The following GMDS variants were observed in gnomAD, a reference collection of about 807,000 sequenced individuals.
GMDS encodes GDP-mannose 4,6-dehydratase, also known as GDP-mannose 4,6 dehydratase.
Under a neutral mutation model 49.9 loss-of-function variants are expected in GMDS, and 20 were observed. That is an observed-to-expected ratio of 0.40 (90% confidence interval 0.28 to 0.58). GMDS has a LOEUF of 0.58. Among genes scored for constraint, GMDS ranks in the 20% least tolerant of loss-of-function variants. The pLI, the probability that GMDS is intolerant of heterozygous loss-of-function variation, is 0.42. For missense variants in GMDS, 362 were observed against 481.4 expected (o/e 0.75, Z 2.32); for synonymous variants, 177 against 178.6 (o/e 0.99, Z 0.07).
chr6:2,009,211 T>C (rs1767392461), intron 4 of GMDS, among the ~76,000 whole-genome samples: 1 of 152,192 alleles, frequency 6.6e-6, no homozygotes. Flanking sequence ...CTGATGCCTC[T>C]ACATTCTGTA....
intron 7 of GMDS, among the ~76,000 whole-genome samples, chr6:1,807,019 T>TA (rs1770205074): frequency 6.6e-6 from 1 of 152,218 alleles, no homozygotes; most frequent in Admixed American, 6.5e-5. Context: ...AAGCAGTTTT[T>TA]ATGCTTTGAA....
intron 4 of GMDS, among the ~76,000 whole-genome samples, chr6:2,044,043 A>G (rs1480237432): frequency 1.3e-5 from 2 of 152,204 alleles, no homozygotes; most frequent in Non-Finnish European, 2.9e-5. Context: ...CAGAATGGCT[A>G]TTATTAAAAA....
At chr6:1,670,320 C>T (rs1418836575) in intron 9 of GMDS, among the ~76,000 whole-genome samples, 2 of 151,604 alleles carry the variant, frequency 1.3e-5, no homozygotes, top group Non-Finnish European at 2.9e-5. Context: ...TTTTTCTTGC[C>T]CTGATTTGAA....
At chr6:2,236,733 G>A (rs1781376431) in intron 1 of GMDS, among the ~76,000 whole-genome samples, 1 of 152,156 alleles carries the variant, frequency 6.6e-6, no homozygotes, top group Non-Finnish European at 1.5e-5. Context: ...GAAAAATCAT[G>A]TTTTGATTTT....
chr6:1,654,881 T>C (rs1763822940), intron 9 of GMDS, among the ~76,000 whole-genome samples: 1 of 151,944 alleles, frequency 6.6e-6, no homozygotes, highest in Non-Finnish European at 1.5e-5. Flanking sequence ...GCCAACATGG[T>C]GAAACCCCAT....
intron 1 of GMDS, among the ~76,000 whole-genome samples, chr6:2,224,964 C>G (rs1780752123): frequency 1.3e-5 from 2 of 152,090 alleles, no homozygotes; most frequent in African/African-American, 4.8e-5. Flanking sequence ...GAACTGAGAA[C>G]TGGCAGAGAG....
intron 6 of GMDS, among the ~76,000 whole-genome samples, chr6:1,939,318 A>G (rs1412165575): frequency 1.3e-5 from 2 of 151,872 alleles, no homozygotes; most frequent in Non-Finnish European, 2.9e-5. Flanking sequence ...ATCAACGCAA[A>G]TGACGGCTTC....
In GMDS at chr6:2,133,229, G is replaced by A. The variant is rs78089070; in HGVS notation, c.103-8498C>T. 3.9e-5 allele frequency among the ~76,000 whole-genome samples: 6 copies of A among 152,286 alleles called. No individual in the cohort carries two copies. The East Asian group carries it at 5.8e-4, about 15-fold the overall frequency. ...GGAAGGAAAAAAACTGCAGTAAAAAGAGAAGAATTATGAAATTTTAGTATT... is the reference window on the plus strand; with the variant it reads ...GGAAGGAAAAAAACTGCAGTAAAAAAAGAAGAATTATGAAATTTTAGTATT... On this transcript the variant is annotated intron_variant, in intron 1 of 10. Coordinates refer to ENST00000380815, the MANE Select transcript of GMDS (RefSeq NM_001500.4).
At chr6:2,075,228 T>C (rs535621449) in intron 4 of GMDS, among the ~76,000 whole-genome samples, 9 of 152,304 alleles carry the variant, frequency 5.9e-5, no homozygotes, top group African/African-American at 2.2e-4. Flanking sequence ...CTTTGAGCAG[T>C]ATTGTCATGT....
At chr6:1,749,467 C>G (rs753015944) in intron 7 of GMDS, among the ~76,000 whole-genome samples, 4 of 152,056 alleles carry the variant, frequency 2.6e-5, no homozygotes, top group Non-Finnish European at 1.5e-5. Flanking sequence ...GGCGGGGGCA[C>G]CTGTAATCCC....
intron 4 of GMDS, among the ~76,000 whole-genome samples, chr6:2,105,723 A>G (rs758728864): frequency 6.6e-5 from 10 of 152,238 alleles, no homozygotes; most frequent in Admixed American, 1.3e-4. Context: ...CCTGGCACCA[A>G]TGAAATATAT....
intron 4 of GMDS, among the ~76,000 whole-genome samples, chr6:2,081,363 G>A (rs899383198): frequency 3.4e-4 from 52 of 152,084 alleles, no homozygotes; most frequent in Admixed American, 2.4e-3. Context: ...AGGATGGCTC[G>A]GCCTTCTTTC....
At chr6:2,076,596 A>G (rs1194068778) in intron 4 of GMDS, among the ~76,000 whole-genome samples, 1 of 152,196 alleles carries the variant, frequency 6.6e-6, no homozygotes, top group African/African-American at 2.4e-5. Flanking sequence ...GAGCCCTCAG[A>G]AATAATGCCA....
chr6:2,139,299 C>T (rs1037264182), intron 1 of GMDS, among the ~76,000 whole-genome samples: 1 of 152,160 alleles, frequency 6.6e-6, no homozygotes, highest in Non-Finnish European at 1.5e-5. Flanking sequence ...TTAATAAATA[C>T]TATAAAGTGA....
At chr6:1,703,361 CTTTCTT>C (rs1390110466) in intron 9 of GMDS, among the ~76,000 whole-genome samples, 4 of 152,124 alleles carry the variant, frequency 2.6e-5, no homozygotes, top group African/African-American at 9.7e-5. Context: ...CTGACTTCAC[CTTTCTT>C]ATCTCCAGTT....
intron 9 of GMDS, among the ~76,000 whole-genome samples, chr6:1,703,625 T>A (rs1411872554): frequency 6.6e-6 from 1 of 152,264 alleles, no homozygotes; most frequent in South Asian, 2.1e-4. Flanking sequence ...TGTGCCTGGA[T>A]GCGCCTGCTG....
intron 7 of GMDS, among the ~76,000 whole-genome samples, chr6:1,894,525 T>C (rs1760052193): frequency 6.6e-6 from 1 of 152,218 alleles, no homozygotes; most frequent in South Asian, 2.1e-4. Context: ...TTAAATGCTG[T>C]TTAGTGCTTT....
At chr6:1,708,669 T>C (rs1433018806) in intron 9 of GMDS, among the ~76,000 whole-genome samples, 2 of 152,224 alleles carry the variant, frequency 1.3e-5, no homozygotes, top group African/African-American at 2.4e-5. Context: ...TAAAATCTCA[T>C]AGTCTATTCT....
intron 1 of GMDS, among the ~76,000 whole-genome samples, chr6:2,233,970 G>C (rs1312758230): frequency 1.3e-5 from 2 of 152,206 alleles, no homozygotes; most frequent in African/African-American, 4.8e-5. Context: ...TTCTGAGGAA[G>C]TATGAACTCC....
Sources: allele counts gnomAD v4.1 joint callset (sites outside exome capture counted in the v4.1 genomes callset), GRCh38; gene constraint gnomAD v4.1.1; transcripts MANE v1.5; gene names NCBI Gene and HGNC (gene_info 2026-07-23, HGNC 2026-07-21).